ANKRD26: variants seen among roughly 807,000 people sequenced by gnomAD.
ANKRD26 encodes the protein ankyrin repeat domain-containing protein 26.
ANKRD26 carries 141 observed loss-of-function variants against 208.7 expected under a neutral mutation model. The observed-to-expected ratio is 0.68, with a 90% CI of 0.59 to 0.78. The LOEUF is 0.78. ANKRD26 is among the 30% of genes least tolerant of loss of function. The pLI is 0.00. For synonymous variants in ANKRD26, 636 were observed against 660.4 expected, an observed-to-expected ratio of 0.96 and a Z score of 0.57; for missense variants, 1,889 against 1,938.7, an observed-to-expected ratio of 0.97 and a Z score of 0.48.
chr10:27,085,659 C>T (rs1479957743), intron 5 of ANKRD26, among the ~76,000 whole-genome samples: 1 of 152,036 alleles, frequency 6.6e-6, no homozygotes, highest in Non-Finnish European at 1.5e-5. Flanking sequence ...TGTTGAGTTC[C>T]CCCTTTTAAA....
chr10:27,085,944 T>C (rs1262057803), intron 5 of ANKRD26, among the ~76,000 whole-genome samples: 1 of 151,370 alleles, frequency 6.6e-6, no homozygotes, highest in Non-Finnish European at 1.5e-5. Flanking sequence ...TCTTGTAGCT[T>C]ACTTTACTAC....
At chr10:26,983,468 G>T (rs74754073) in intron 3 of ANKRD26, among the ~76,000 whole-genome samples, 1 of 152,104 alleles carries the variant, frequency 6.6e-6, no homozygotes, top group East Asian at 1.9e-4. Context: ...TACCCAATTC[G>T]TGGTATGCTA....
At chr10:27,075,732 G>A (rs1012167225) in intron 9 of ANKRD26, among the ~76,000 whole-genome samples, 1 of 152,122 alleles carries the variant, frequency 6.6e-6, no homozygotes, top group Non-Finnish European at 1.5e-5. Flanking sequence ...GACTTAAACT[G>A]CACTCAAGAA....
intron 9 of ANKRD26, among the ~76,000 whole-genome samples, chr10:27,074,831 AG>A: frequency 1.3e-5 from 2 of 152,102 alleles, no homozygotes; most frequent in African/African-American, 4.8e-5. Flanking sequence ...TTAAATAAAA[AG>A]AATTTTTAAA....
chr10:27,065,859 C>CTTTTTTTTTTTTTT (rs767106612), intron 11 of ANKRD26, among the ~76,000 whole-genome samples: 1 of 72,960 alleles, frequency 1.4e-5, no homozygotes. Flanking sequence ...ATAATTCTTT[C>CTTTTTTTTTTTTTT]TTTTTTTTTT....
chr10:27,079,645 G>T (rs2055830221), intron 6 of ANKRD26, among the ~76,000 whole-genome samples: 1 of 152,100 alleles, frequency 6.6e-6, no homozygotes, highest in Non-Finnish European at 1.5e-5. Context: ...CTTGAGCCCA[G>T]GAGTTCGAGA....
intron 12 of ANKRD26, among the ~76,000 whole-genome samples, chr10:27,063,285 C>T (rs1328222174): frequency 6.6e-6 from 1 of 151,792 alleles, no homozygotes; most frequent in African/African-American, 2.4e-5. Context: ...TAATACCCTG[C>T]TTTTCCATTT....
At chr10:27,010,021 A>T (rs1403658305) in intron 32 of ANKRD26, among the ~76,000 whole-genome samples, 1 of 152,222 alleles carries the variant, frequency 6.6e-6, no homozygotes, top group South Asian at 2.1e-4. Context: ...TACAGAGGAT[A>T]TTGCAGGATT....
At position 27,012,906 on chromosome 10, in the gene ANKRD26, A is replaced by G; in HGVS notation, c.4929T>C (p.Asn1643=). ...ISTSNPRASN[N]SMENYLSKMQ... ...CCTTGCTCAAGTAGTTCTCCATGCT[A>G]TTATTTGAAGCCCGTGGATTTGAGG... The change falls in exon 32 of 34, where the codon AAT becomes AAC. Residue 1643 remains asparagine, a synonymous_variant. Transcript: ENST00000376087. 1.2e-6 allele frequency: 2 copies of G among 1,613,976 alleles called. No homozygotes were observed. The highest frequency in any genetic ancestry group is 1.7e-6 in the Non-Finnish European group (2 of 1,179,848).
chr10:27,074,202 T>G (rs1054292264), intron 9 of ANKRD26, among the ~76,000 whole-genome samples: 4 of 152,080 alleles, frequency 2.6e-5, no homozygotes, highest in Admixed American at 2.6e-4. Flanking sequence ...AAATACCAGA[T>G]AAAGAATTCA....
chr10:26,966,130 G>C, the ANKRD26 span, among the ~76,000 whole-genome samples: 1 of 152,152 alleles, frequency 6.6e-6, no homozygotes, highest in Non-Finnish European at 1.5e-5. Flanking sequence ...TCCCCTTTCT[G>C]GGTATATATC....
downstream of ANKRD26, among the ~76,000 whole-genome samples, chr10:26,969,271 G>T (rs1271139760): frequency 6.6e-6 from 1 of 152,104 alleles, no homozygotes; most frequent in African/African-American, 2.4e-5. Context: ...TGTGTATAGA[G>T]GTTTTACTGG....
At chr10:27,039,532 C>T (rs2054159361) in intron 21 of ANKRD26, among the ~76,000 whole-genome samples, 1 of 151,762 alleles carries the variant, frequency 6.6e-6, no homozygotes, top group Middle Eastern at 3.2e-3. Context: ...ACTAAACTTT[C>T]CTGAGAACAA....
intron 15 of ANKRD26, among the ~76,000 whole-genome samples, chr10:27,059,879 A>T (rs1397377537): frequency 6.6e-6 from 1 of 150,870 alleles, no homozygotes; most frequent in Non-Finnish European, 1.5e-5. Flanking sequence ...TGGGCAACAG[A>T]GTGAGACTCT....
intron 15 of ANKRD26, among the ~76,000 whole-genome samples, chr10:27,053,804 A>C (rs1172326992): frequency 1.3e-5 from 2 of 152,206 alleles, no homozygotes; most frequent in Non-Finnish European, 2.9e-5. Flanking sequence ...AAACTGTCAG[A>C]AACAAAACAA....
chr10:26,991,276 T>A (rs1355793976), downstream of ANKRD26, among the ~76,000 whole-genome samples: 1 of 152,070 alleles, frequency 6.6e-6, no homozygotes, highest in African/African-American at 2.4e-5. Context: ...GGTTGCTAGA[T>A]GTAAATAAAA....
At chr10:26,986,649 C>T (rs1194443133) in intron 3 of ANKRD26, among the ~76,000 whole-genome samples, 1 of 152,182 alleles carries the variant, frequency 6.6e-6, no homozygotes, top group Non-Finnish European at 1.5e-5. Flanking sequence ...CAAAAGAAGA[C>T]ATTTATGCAG....
At chr10:26,991,465 T>C (rs959171457), downstream of ANKRD26, among the ~76,000 whole-genome samples, 1 of 152,034 alleles carries the variant, frequency 6.6e-6, no homozygotes, top group Non-Finnish European at 1.5e-5. Context: ...AGACGGAGTT[T>C]CACTCTTGTT....
rs1048961432 is a variant in ANKRD26 at position 27,046,937 on chromosome 10, G to A, written c.1815-414C>T. On this transcript the variant is annotated intron_variant, in intron 17 of 33. Transcript: ENST00000376087. The stretch of plus-strand genomic sequence containing the variant: ...AACCATTCTACTTAGAGAATAGAAG[G>A]TGAGCACAGATTAGGCACACGGCAT... 2.0e-5 allele frequency among the ~76,000 whole-genome samples: 3 copies of A among 151,980 alleles called. No homozygotes were observed. The South Asian group carries it at 6.2e-4, about 32-fold the overall frequency.
Sources: allele counts gnomAD v4.1 joint callset (sites outside exome capture counted in the v4.1 genomes callset), GRCh38; gene constraint gnomAD v4.1.1; transcripts MANE v1.5; gene names NCBI Gene and HGNC (gene_info 2026-07-23, HGNC 2026-07-21).